Variants in CNTFR observed in about 807,000 individuals in gnomAD.
CNTFR encodes ciliary neurotrophic factor receptor subunit alpha.
In CNTFR, 12 loss-of-function variants were observed where a neutral mutation model predicts 40.4. The ratio of observed to expected loss-of-function variants is 0.30; its 90% CI spans 0.19 to 0.48. The LOEUF is 0.48. Among genes scored for constraint, CNTFR ranks in the 20% least tolerant of loss-of-function variants. The probability of loss-of-function intolerance (pLI) is 0.99; values close to 1 mark genes in which losing one functional copy is unlikely to be tolerated. For missense variants in CNTFR, 414 were observed against 506.8 expected, an observed-to-expected ratio of 0.82 and a Z score of 1.76; for synonymous variants, 202 against 209.6, an observed-to-expected ratio of 0.96 and a Z score of 0.31.
At chr9:34,568,697 A>T (rs1826424683) in intron 3 of CNTFR, among the ~76,000 whole-genome samples, 200 bp downstream of exon 3, 1 of 152,086 alleles carries the variant, frequency 6.6e-6, no homozygotes. Context: ...AGCCAGAGAC[A>T]CCGTCAGCAT....
chr9:34,563,414 A>G (rs1356911999), intron 4 of CNTFR, among the ~76,000 whole-genome samples: 1 of 152,240 alleles, frequency 6.6e-6, no homozygotes, highest in Admixed American at 6.5e-5. Context: ...AGGGCAACTC[A>G]GGTGCACGTT....
intron 4 of CNTFR, among the ~76,000 whole-genome samples, chr9:34,562,740 A>G (rs1826122036): frequency 6.6e-6 from 1 of 152,122 alleles, no homozygotes; most frequent in African/African-American, 2.4e-5. Flanking sequence ...GAAATGAAGA[A>G]ATGGAACTAT....
At chr9:34,588,042 C>T (rs1564078874) in intron 1 of CNTFR, among the ~76,000 whole-genome samples, 2 of 152,260 alleles carry the variant, frequency 1.3e-5, no homozygotes, top group South Asian at 2.1e-4. Context: ...AGTATGGATT[C>T]CAGAGCCCCC....
At position 34,557,122 on chromosome 9, in the gene CNTFR, G is replaced by A. The variant is rs578255483; in HGVS notation, c.604+404C>T. 2.0e-4 allele frequency among the ~76,000 whole-genome samples: 29 copies of A among 147,920 alleles called. No homozygotes were observed. The highest frequency in any genetic ancestry group is 9.5e-4 in the Admixed American group (14 of 14,700). ...GATGGGGGGGGTCAGGGGGAGGGCA[G>A]TATCTGTCCCAGTCCTGTCTCCTGT... is the stretch of plus-strand genomic sequence containing the variant. On this transcript the variant is annotated intron_variant, in intron 6 of 9. Coordinates refer to ENST00000378980, the MANE Select transcript of CNTFR (RefSeq NM_147164.3). The surrounding 1 kb of genome is among the most constrained non-coding windows in gnomAD (Gnocchi z 4.2).
chr9:34,558,967 T>C (rs964389530), intron 4 of CNTFR, among the ~76,000 whole-genome samples: 4 of 152,108 alleles, frequency 2.6e-5, no homozygotes, highest in African/African-American at 7.2e-5. Flanking sequence ...CCCTCAGGCA[T>C]TGGGTAAGGC....
intron 2 of CNTFR, among the ~76,000 whole-genome samples, chr9:34,579,443 C>G (rs1013865568): frequency 2.0e-5 from 3 of 151,908 alleles, no homozygotes; most frequent in African/African-American, 7.3e-5. Flanking sequence ...TTGAGACAGG[C>G]TGGGAGACAG....
At chr9:34,587,011 A>T (rs1827574622) in intron 1 of CNTFR, among the ~76,000 whole-genome samples, 1 of 151,616 alleles carries the variant, frequency 6.6e-6, no homozygotes, top group African/African-American at 2.4e-5. Flanking sequence ...TGAGCCCAGG[A>T]TGACAGTGTG....
chr9:34,588,934 A>G (rs1230587081), intron 1 of CNTFR, among the ~76,000 whole-genome samples: 1 of 152,142 alleles, frequency 6.6e-6, no homozygotes, highest in Non-Finnish European at 1.5e-5. Flanking sequence ...GGGATACACC[A>G]TAGGCAGACT....
In CNTFR at chr9:34,552,626, G is replaced by C. The variant is rs373092249; in HGVS notation, c.949+48C>G. On this transcript the variant is annotated intron_variant, in intron 8 of 9. Transcript: ENST00000378980. This position sits in a 1 kb window ranked among gnomAD's most constrained non-coding sequence, Gnocchi z 5.1. ...GAACCAGGCCACAGGTTCTACCACA[G>C]GCCTCCAGGACAGCAAAGCCAGGAG... The C allele has an allele frequency of 1.3e-4, 199 of 1,580,558 alleles. No individual in the cohort carries two copies. The highest frequency in any genetic ancestry group is 1.7e-4 in the Non-Finnish European group (192 of 1,163,568).
chr9:34,576,697 G>T (rs1826981973), intron 2 of CNTFR, among the ~76,000 whole-genome samples: 1 of 152,236 alleles, frequency 6.6e-6, no homozygotes, highest in South Asian at 2.1e-4. Flanking sequence ...AGAGGTGAAG[G>T]AAGTACCTGG....
intron 3 of CNTFR, among the ~76,000 whole-genome samples, chr9:34,566,912 A>C (rs1826325481): frequency 6.6e-6 from 1 of 152,230 alleles, no homozygotes; most frequent in South Asian, 2.1e-4. Context: ...CCGATGATGT[A>C]AAGGCAGGGC....
At chr9:34,563,960 GT>G (rs1354376027) in intron 4 of CNTFR, among the ~76,000 whole-genome samples, 1 of 152,034 alleles carries the variant, frequency 6.6e-6, no homozygotes, top group African/African-American at 2.4e-5. Context: ...TCTGCCCCCC[GT>G]CCCTTCCTTC....
At chr9:34,555,106 C>T (rs918196822) in intron 7 of CNTFR, among the ~76,000 whole-genome samples, 6 of 152,228 alleles carry the variant, frequency 3.9e-5, no homozygotes, top group East Asian at 1.9e-4. Context: ...GCGTGTGCGC[C>T]GCGACGCGCG....
In CNTFR at chr9:34,568,912, T is replaced by C. The variant is rs1009641324; in HGVS notation, c.70A>G (p.Arg24Gly). ...AAAAAVVYAQ[R>G]HSPQEAPHVQ... Reference sequence around the variant, plus strand: ...GAGCACTCACCCTGTGGACTGTGTCTCTGGGCGTAGACAACTGCGGCGGCG... The same window carrying C: ...GAGCACTCACCCTGTGGACTGTGTCCCTGGGCGTAGACAACTGCGGCGGCG... Residue 24 changes from arginine to glycine, a missense_variant, in exon 3 of 10, where the codon AGA (arginine) becomes GGA (glycine). This residue lies in a region of CNTFR where 250 missense variants were observed against 269.5 expected (regional missense o/e 0.93). Transcript: ENST00000378980. 7.5e-6 allele frequency: 12 copies of C among 1,595,318 alleles called. No homozygotes were observed. The highest frequency in any genetic ancestry group is 9.4e-6 in the Non-Finnish European group (11 of 1,171,408).
chr9:34,556,393 C>A lies in CNTFR; in HGVS notation c.630G>T (p.Val210=). Residue 210 remains valine (V), a synonymous_variant, in exon 7 of 10, where the codon GTG becomes GTT. Transcript: ENST00000378980. Reference sequence around the variant, plus strand: ...GGTTGCTGGGCACTGGCCGGGCTACCACATTTTCTGGAGGATCAGGCTTCA... The same window carrying A: ...GGTTGCTGGGCACTGGCCGGGCTACAACATTTTCTGGAGGATCAGGCTTCA... ...TIVKPDPPEN[V]VARPVPSNPR... 1 of 1,612,088 alleles carries A rather than the reference C, an allele frequency of 6.2e-7. No homozygotes were observed. Among genetic ancestry groups the A allele is most frequent in the Non-Finnish European group, 8.5e-7 (1 of 1,178,768 alleles).
Position 34,551,945 on chromosome 9 carries a change from T to G in CNTFR, c.*126A>C. ...CCGGGCCCGCCGGGGTCTCCACAAATTGTGTCTGAAGAGAATGCAAAAGGT... is the reference window on the plus strand; with the variant it reads ...CCGGGCCCGCCGGGGTCTCCACAAAGTGTGTCTGAAGAGAATGCAAAAGGT... On this transcript the variant is annotated 3_prime_UTR_variant, in exon 10 of 10. Transcript: ENST00000378980. 1 of 728,318 alleles carries G rather than the reference T, an allele frequency of 1.4e-6. No individual in the cohort carries two copies. The highest frequency in any genetic ancestry group is 2.5e-6 in the Non-Finnish European group (1 of 399,318). 45.1% of individuals were successfully genotyped at this position (728,318 alleles called of 1,614,324 possible).
At chr9:34,553,960 G>GT (rs904606655) in intron 7 of CNTFR, among the ~76,000 whole-genome samples, 2 of 152,230 alleles carry the variant, frequency 1.3e-5, no homozygotes, top group Admixed American at 1.3e-4. Context: ...CTGACAGGCT[G>GT]TGAGTGCATG....
intron 4 of CNTFR, among the ~76,000 whole-genome samples, chr9:34,562,122 T>A (rs982235679): frequency 6.6e-6 from 1 of 152,184 alleles, no homozygotes; most frequent in Non-Finnish European, 1.5e-5. Flanking sequence ...GCCATCACAG[T>A]CAGTCTTGTC....
At position 34,557,486 on chromosome 9, in the gene CNTFR, ACTGGAGTAGGCAGCAGGTCCCCC is replaced by A. The variant is rs1320288764; in HGVS notation, c.604+17_604+39del. 2.2e-5 allele frequency: 35 copies of A among 1,603,764 alleles called. No individual in the cohort carries two copies. Among genetic ancestry groups the A allele is most frequent in the Non-Finnish European group, 3.0e-5 (35 of 1,172,452 alleles). Reference sequence around the variant, plus strand: ...ATGGCACACATCCACTTACATTCCCACTGGAGTAGGCAGCAGGTCCCCCCAACCGCCACACGTACCAATGGTGA... The same window carrying A: ...ATGGCACACATCCACTTACATTCCCACAACCGCCACACGTACCAATGGTGA... On this transcript the variant is annotated intron_variant, in intron 6 of 9. Transcript: ENST00000378980. The surrounding 1 kb of genome is among the most constrained non-coding windows in gnomAD (Gnocchi z 4.2).
Sources: allele counts gnomAD v4.1 joint callset (sites outside exome capture counted in the v4.1 genomes callset), GRCh38; gene constraint gnomAD v4.1.1; regional missense constraint gnomAD v4.1.1; non-coding constraint Gnocchi (gnomAD v3.1); transcripts MANE v1.5; gene names NCBI Gene and HGNC (gene_info 2026-07-23, HGNC 2026-07-21).